Variants in SWAP70 observed in about 807,000 individuals in gnomAD.
SWAP70 encodes switch-associated protein 70.
SWAP70 carries 34 observed loss-of-function variants against 80.2 expected under a neutral mutation model. The ratio of observed to expected loss-of-function variants is 0.42; its 90% confidence interval spans 0.32 to 0.56. The LOEUF is 0.56. Among genes scored for constraint, SWAP70 ranks in the 20% least tolerant of loss-of-function variants. The probability of loss-of-function intolerance (pLI) is 0.09; values close to 1 mark genes in which losing one functional copy is unlikely to be tolerated. For missense variants in SWAP70, 578 were observed against 690.7 expected (o/e 0.84, Z 1.83); for synonymous variants, 239 against 238.5 (o/e 1.00, Z -0.02).
At chr11:9,734,774 C>CACCAT (rs2133812287) in intron 7 of SWAP70, among the ~76,000 whole-genome samples, 2 of 152,114 alleles carry the variant, frequency 1.3e-5, no homozygotes, top group South Asian at 4.1e-4. Flanking sequence ...AGGTGTGCAC[C>CACCAT]ACCATACCTG....
chr11:9,695,043 C>G (rs1850738196), intron 2 of SWAP70, among the ~76,000 whole-genome samples: 1 of 152,142 alleles, frequency 6.6e-6, no homozygotes, highest in Admixed American at 6.5e-5. Flanking sequence ...AATCCCAGCA[C>G]TTTGGGAGGC....
intron 1 of SWAP70, among the ~76,000 whole-genome samples, chr11:9,673,306 T>C (rs971541133): frequency 2.6e-5 from 4 of 152,196 alleles, no homozygotes; most frequent in African/African-American, 9.7e-5. Context: ...TGTTTACTGA[T>C]TTATTACAGA....
In SWAP70 at chr11:9,752,081, C is replaced by T. The variant is rs964719260; in HGVS notation, c.*2111C>T. 6.6e-6 allele frequency: 1 copy of T among 152,208 alleles called. No homozygotes were observed. Among genetic ancestry groups the T allele is most frequent in the Non-Finnish European group, 1.5e-5 (1 of 68,036 alleles). 9.4% of individuals were successfully genotyped at this position (152,208 alleles called of 1,614,324 possible). A position where few individuals can be genotyped will look rare whatever the true frequency, so the allele number is the denominator to read the frequency against. Reference sequence around the variant, plus strand: ...TGAGGAAAAAGTATTCTACAAAGAACCTAATCACCTCTGTGAAATCTATGG... The same window carrying T: ...TGAGGAAAAAGTATTCTACAAAGAATCTAATCACCTCTGTGAAATCTATGG... On this transcript the variant is annotated 3_prime_UTR_variant, in exon 12 of 12. Coordinates refer to ENST00000318950, the MANE Select transcript of SWAP70 (RefSeq NM_015055.4).
At chr11:9,710,712 C>T (rs1202537239) in intron 2 of SWAP70, among the ~76,000 whole-genome samples, 1 of 148,364 alleles carries the variant, frequency 6.7e-6, no homozygotes, top group Non-Finnish European at 1.5e-5. Context: ...AAGTGTCTTG[C>T]CCTGTCTCCA....
At chr11:9,695,818 G>T (rs1403733083) in intron 2 of SWAP70, among the ~76,000 whole-genome samples, 1 of 151,494 alleles carries the variant, frequency 6.6e-6, no homozygotes. Context: ...TTTTTTTTGA[G>T]GGGTCTCATC....
chr11:9,725,647 C>T (rs1269922656), intron 4 of SWAP70, among the ~76,000 whole-genome samples: 1 of 145,572 alleles, frequency 6.9e-6, no homozygotes, highest in Non-Finnish European at 1.5e-5. Context: ...TCTTGGCTCA[C>T]TGCAACCTCC....
chr11:9,746,250 A>G (rs1851510981), intron 9 of SWAP70, among the ~76,000 whole-genome samples: 1 of 152,184 alleles, frequency 6.6e-6, no homozygotes, highest in Middle Eastern at 3.2e-3. Flanking sequence ...ATAGCGGGAA[A>G]TGAGCCCTAC....
At chr11:9,725,530 A>AAAATATATAT (rs1440784787) in intron 4 of SWAP70, among the ~76,000 whole-genome samples, 2 of 60,580 alleles carry the variant, frequency 3.3e-5, no homozygotes, top group African/African-American at 1.3e-4. Context: ...AAAAATACAA[A>AAAATATATAT]ATATATATAT....
intron 3 of SWAP70, among the ~76,000 whole-genome samples, chr11:9,722,580 G>A (rs1381336819): frequency 6.6e-6 from 1 of 152,148 alleles, no homozygotes; most frequent in Non-Finnish European, 1.5e-5. Context: ...AGGTGGTGCC[G>A]ACGTCACTGG....
intron 1 of SWAP70, among the ~76,000 whole-genome samples, chr11:9,688,224 G>T (rs1850655519): frequency 6.6e-6 from 1 of 152,186 alleles, no homozygotes; most frequent in Non-Finnish European, 1.5e-5. Flanking sequence ...CTGGATTCTG[G>T]GCAGCATGCC....
At chr11:9,746,252 G>A (rs758650927) in intron 9 of SWAP70, among the ~76,000 whole-genome samples, 15 of 152,136 alleles carry the variant, frequency 9.9e-5, no homozygotes, top group Non-Finnish European at 2.1e-4. Context: ...AGCGGGAAAT[G>A]AGCCCTACCT....
At chr11:9,675,390 A>C (rs1217179465) in intron 1 of SWAP70, among the ~76,000 whole-genome samples, 5 of 116,778 alleles carry the variant, frequency 4.3e-5, no homozygotes, top group South Asian at 3.4e-4. Flanking sequence ...AGAGAGAGAG[A>C]GAGAGAGAGA....
At chr11:9,740,834 C>T in intron 9 of SWAP70, 1 of 160,248 alleles carries the variant, frequency 6.2e-6, no homozygotes, top group South Asian at 1.7e-4. Flanking sequence ...TACTTGAAAT[C>T]CTAATTTTAA....
intron 1 of SWAP70, among the ~76,000 whole-genome samples, chr11:9,693,005 T>C (rs768329957): frequency 6.6e-6 from 1 of 152,240 alleles, no homozygotes; most frequent in Non-Finnish European, 1.5e-5. Flanking sequence ...AAAGAAGATA[T>C]GCAAATTATT....
At chr11:9,741,434 A>G (rs543589723) in intron 9 of SWAP70, 1 of 152,282 alleles carries the variant, frequency 6.6e-6, no homozygotes, top group Admixed American at 6.5e-5. Flanking sequence ...ACTCCCCTCC[A>G]GTGCCACTCG....
intron 2 of SWAP70, among the ~76,000 whole-genome samples, chr11:9,694,953 A>G (rs1276166608): frequency 6.6e-6 from 1 of 152,160 alleles, no homozygotes; most frequent in Non-Finnish European, 1.5e-5. Flanking sequence ...CAATTGCATT[A>G]CTGGGTATAT....
rs1388997301 is a variant in SWAP70 at position 9,747,973 on chromosome 11, C to A, written c.1471C>A (p.Leu491Met). 2 of 1,614,146 alleles carry A rather than the reference C, an allele frequency of 1.2e-6. No individual in the cohort carries two copies. Among genetic ancestry groups the A allele is most frequent in the Non-Finnish European group, 1.7e-6 (2 of 1,180,036 alleles). ...GCAGGAGTTGGAGAATCAGCGTGTC[C>A]TGAAGGAACAGGCCCTGCAGGAGGC... ...EKQELENQRVLKEQALQEAME... is the reference protein window; with the variant it reads ...EKQELENQRVMKEQALQEAME... Residue 491 changes from leucine (L) to methionine (M), a missense_variant, in exon 10 of 12, where the codon CTG becomes ATG. Transcript: ENST00000318950.
Position 9,750,072 on chromosome 11 carries a change from T to G in SWAP70, c.*102T>G. 1.3e-6 allele frequency: 1 copy of G among 773,594 alleles called. No individual in the cohort carries two copies. The highest frequency in any genetic ancestry group is 1.6e-5 in the South Asian group (1 of 62,108). 47.9% of individuals were successfully genotyped at this position (773,594 alleles called of 1,614,324 possible). ...AGCTTTGGGGGCCGGGCGTGGTGGCTCACGCCTGTAATCCCAGCACTTTGG... is the reference window on the plus strand; with the variant it reads ...AGCTTTGGGGGCCGGGCGTGGTGGCGCACGCCTGTAATCCCAGCACTTTGG... On this transcript the variant is annotated 3_prime_UTR_variant, in exon 12 of 12. Coordinates refer to ENST00000318950, the MANE Select transcript of SWAP70 (RefSeq NM_015055.4).
chr11:9,693,779 C>G (rs1285966773), intron 1 of SWAP70, among the ~76,000 whole-genome samples: 2 of 152,166 alleles, frequency 1.3e-5, no homozygotes. Flanking sequence ...TGACTCTGCT[C>G]TACTTGGTGA....
Sources: allele counts gnomAD v4.1 joint callset (sites outside exome capture counted in the v4.1 genomes callset), GRCh38; gene constraint gnomAD v4.1.1; transcripts MANE v1.5; gene names NCBI Gene and HGNC (gene_info 2026-07-23, HGNC 2026-07-21).